RNF125: variants seen among roughly 807,000 people sequenced by gnomAD.
RNF125 encodes ring finger protein 125.
In RNF125, 21 loss-of-function variants were observed where a neutral mutation model predicts 26.0. The observed-to-expected ratio is 0.81, with a 90% confidence interval of 0.57 to 1.16. The LOEUF is 1.16. Among genes scored for constraint, RNF125 ranks in the 50% most tolerant of loss-of-function variants. The pLI, the probability that RNF125 is intolerant of heterozygous loss-of-function variation, is 0.00. For synonymous variants in RNF125, 95 were observed against 109.2 expected (o/e 0.87, Z 0.81); for missense variants, 270 against 299.4 (o/e 0.90, Z 0.72).
In RNF125 at chr18:32,019,421, C is replaced by A. The variant is rs1473776077; in HGVS notation, c.164+394C>A. ...ACGAGCTCCAGCTACAAGGCAGGGG[C>A]TCCCGCAAAGCGCAGTTACCCCGCT... is the stretch of plus-strand genomic sequence containing the variant. On this transcript the variant is annotated intron_variant, in intron 1 of 5. Transcript: ENST00000217740. 2.0e-4 allele frequency among the ~76,000 whole-genome samples: 31 copies of A among 152,288 alleles called. No homozygotes were observed. In the South Asian group the frequency reaches 5.6e-3, roughly 27 times the overall value.
At chr18:32,050,868 T>C (rs1304592644) in intron 4 of RNF125, among the ~76,000 whole-genome samples, 3,491 of 36,386 alleles carry the variant, frequency 0.096, 232 homozygotes, top group Non-Finnish European at 0.13. Flanking sequence ...TAGAGTGCTT[T>C]TTTTTTTTTT....
At chr18:32,042,083 G>A in intron 2 of RNF125, 96 bp from the exon 3 acceptor site, 1 of 826,922 alleles carries the variant, frequency 1.2e-6, no homozygotes, top group East Asian at 2.7e-5. Flanking sequence ...TGATCCCACA[G>A]TATGACCTTA....
At chr18:32,031,471 C>T (rs1267625544) in intron 1 of RNF125, 1 of 89,554 alleles carries the variant, frequency 1.1e-5, no homozygotes, top group Non-Finnish European at 1.9e-5. Context: ...CATTGGCATA[C>T]AACTCAAATT....
chr18:32,061,229 T>G (rs2039431901), intron 4 of RNF125, among the ~76,000 whole-genome samples: 1 of 152,140 alleles, frequency 6.6e-6, no homozygotes, highest in African/African-American at 2.4e-5. Flanking sequence ...TTTCACCGTG[T>G]TAGCCAGGAT....
chr18:32,053,125 G>T (rs959274334), intron 4 of RNF125, among the ~76,000 whole-genome samples: 1 of 152,238 alleles, frequency 6.6e-6, no homozygotes, highest in Non-Finnish European at 1.5e-5. Context: ...CCCTTCGGGA[G>T]GCCGAGGCAG....
chr18:32,044,017 T>C (rs1166451024), intron 3 of RNF125, among the ~76,000 whole-genome samples: 2 of 152,106 alleles, frequency 1.3e-5, no homozygotes, highest in Non-Finnish European at 2.9e-5. Context: ...TTCTTTTCTT[T>C]TCTTTTTGAG....
At chr18:32,039,600 T>C (rs1430894252) in intron 2 of RNF125, among the ~76,000 whole-genome samples, 2 of 152,168 alleles carry the variant, frequency 1.3e-5, no homozygotes, top group Non-Finnish European at 2.9e-5. Context: ...TGTCTTCACA[T>C]AAAATTCATA....
chr18:32,018,917 C>G lies in RNF125; in HGVS notation c.54C>G (p.Thr18=). Reference sequence around the variant, plus strand: ...GCAAATCGGCGCCCGCCTCTGCCACCGCGCGGGCCCTGGAGCGCAGGAGGG... The same window carrying G: ...GCAAATCGGCGCCCGCCTCTGCCACGGCGCGGGCCCTGGAGCGCAGGAGGG... The part of the protein sequence containing the change: ...DSGKSAPASA[T]ARALERRRDP... Residue 18 remains threonine, a synonymous_variant, in exon 1 of 6, where the codon ACC becomes ACG. Coordinates refer to ENST00000217740, the MANE Select transcript of RNF125 (RefSeq NM_017831.4). 6.2e-7 allele frequency: 1 copy of G among 1,609,382 alleles called. No individual in the cohort carries two copies. Among genetic ancestry groups the G allele is most frequent in the Non-Finnish European group, 8.5e-7 (1 of 1,178,092 alleles).
rs759435822 is a variant in RNF125 at position 32,037,087 on chromosome 18, G to A, written c.165-29G>A. 1.0e-5 allele frequency: 16 copies of A among 1,564,118 alleles called. No individual in the cohort carries two copies. The African/African-American group carries it at 2.2e-4, about 22-fold the overall frequency. On this transcript the variant is annotated intron_variant, in intron 1 of 5. Transcript: ENST00000217740. Reference sequence around the variant, plus strand: ...TGGCTCCTTATAGCTTTCAAGGAAAGTGATGTATTTTTGGTCTGTTTGGGG... The same window carrying A: ...TGGCTCCTTATAGCTTTCAAGGAAAATGATGTATTTTTGGTCTGTTTGGGG...
At chr18:32,090,474 T>C in the RNF125 span, among the ~76,000 whole-genome samples, 76 of 152,226 alleles carry the variant, frequency 5.0e-4, 2 homozygotes, top group South Asian at 0.016. Context: ...ATACAAAATA[T>C]AGTTTGGTAG....
intron 3 of RNF125, 36 bp downstream of exon 3, chr18:32,042,309 T>G: frequency 2.3e-6 from 3 of 1,280,190 alleles, no homozygotes; most frequent in Non-Finnish European, 2.2e-6. Flanking sequence ...ATGCTAAAAT[T>G]GATAATGTTT....
chr18:32,030,144 A>C (rs757872493), intron 1 of RNF125, among the ~76,000 whole-genome samples: 4 of 152,142 alleles, frequency 2.6e-5, no homozygotes, highest in Admixed American at 6.5e-5. Flanking sequence ...TCCTGGTTCA[A>C]GCGATTCTCC....
chr18:32,062,669 C>T (rs1198741742), intron 4 of RNF125, among the ~76,000 whole-genome samples: 1 of 151,950 alleles, frequency 6.6e-6, no homozygotes, highest in Non-Finnish European at 1.5e-5. Context: ...CATTATCACC[C>T]AAGTTGATAA....
intron 1 of RNF125, among the ~76,000 whole-genome samples, chr18:32,021,011 G>A (rs747838785): frequency 1.2e-4 from 19 of 152,184 alleles, no homozygotes; most frequent in Non-Finnish European, 2.5e-4. Flanking sequence ...GCCCGTCTGT[G>A]AGCCAGGGAC....
At chr18:32,035,464 G>A (rs1246883138) in intron 1 of RNF125, among the ~76,000 whole-genome samples, 1 of 152,180 alleles carries the variant, frequency 6.6e-6, no homozygotes, top group African/African-American at 2.4e-5. Flanking sequence ...AGCTGTGCCT[G>A]CCCATCACTA....
intron 4 of RNF125, among the ~76,000 whole-genome samples, chr18:32,063,892 A>G (rs2039457433): frequency 6.6e-6 from 1 of 152,128 alleles, no homozygotes; most frequent in Non-Finnish European, 1.5e-5. Flanking sequence ...GGAACAGAGC[A>G]GAGGTTAGGG....
chr18:32,089,654 G>A, the RNF125 span, among the ~76,000 whole-genome samples: 26 of 152,032 alleles, frequency 1.7e-4, no homozygotes, highest in African/African-American at 6.3e-4. Flanking sequence ...ACTTTCCAAG[G>A]GTATCTATAT....
intron 4 of RNF125, among the ~76,000 whole-genome samples, chr18:32,058,412 C>T (rs1212459432): frequency 6.6e-6 from 1 of 151,914 alleles, no homozygotes; most frequent in Non-Finnish European, 1.5e-5. Flanking sequence ...GTGGTGCGAT[C>T]TTGGCTCACT....
intron 4 of RNF125, among the ~76,000 whole-genome samples, chr18:32,057,437 C>T (rs539490609): frequency 3.0e-4 from 46 of 151,218 alleles, no homozygotes; most frequent in Non-Finnish European, 4.9e-4. Flanking sequence ...CGGGTTTAAG[C>T]GATTCTCCTG....
Sources: allele counts gnomAD v4.1 joint callset (sites outside exome capture counted in the v4.1 genomes callset), GRCh38; gene constraint gnomAD v4.1.1; transcripts MANE v1.5; gene names NCBI Gene and HGNC (gene_info 2026-07-23, HGNC 2026-07-21).